The following DNAJC15 variants were observed in gnomAD, a reference collection of about 807,000 sequenced individuals.
DNAJC15 encodes the protein DnaJ heat shock protein family (Hsp40) member C15.
DNAJC15 carries 27 observed loss-of-function variants against 22.4 expected under a neutral mutation model. That is an observed-to-expected ratio of 1.20 (90% confidence interval 0.89 to 1.66). The LOEUF (loss-of-function observed/expected upper bound fraction) is 1.66. Among genes scored for constraint, DNAJC15 ranks in the 40% most tolerant of loss-of-function variants. The pLI is 0.00. For missense variants in DNAJC15, 208 were observed against 187.1 expected (o/e 1.11, Z -0.65); for synonymous variants, 79 against 63.2 (o/e 1.25, Z -1.19).
chr13:43,037,218 T>C (rs1348505632), intron 1 of DNAJC15, among the ~76,000 whole-genome samples: 1 of 152,178 alleles, frequency 6.6e-6, no homozygotes, highest in Non-Finnish European at 1.5e-5. Flanking sequence ...GTAGCTTTCA[T>C]TAAAGGGGAT....
intron 1 of DNAJC15, among the ~76,000 whole-genome samples, chr13:43,031,062 G>A (rs968076844): frequency 6.6e-6 from 1 of 152,156 alleles, no homozygotes; most frequent in Non-Finnish European, 1.5e-5. Flanking sequence ...CTTAAAGGGG[G>A]CAGTCACGTG....
At position 43,107,286 on chromosome 13, in the gene DNAJC15, A is replaced by G. The variant is rs566761905; in HGVS notation, c.*38A>G. 9.6e-6 allele frequency: 14 copies of G among 1,456,144 alleles called. No individual in the cohort carries two copies. In the South Asian group the frequency reaches 1.9e-4, roughly 19 times the overall value. 90.2% of individuals were successfully genotyped at this position (1,456,144 alleles called of 1,614,324 possible). ...ACACTGAAGGAAAAAAAAAGAGGGG[A>G]CTTCGAAAAAAAAAAAAGCCCTGCA... On this transcript the variant is annotated 3_prime_UTR_variant, in exon 6 of 6. Coordinates refer to ENST00000379221, the MANE Select transcript of DNAJC15 (RefSeq NM_013238.3).
chr13:43,102,139 G>C (rs962478954), intron 5 of DNAJC15, among the ~76,000 whole-genome samples: 1 of 151,986 alleles, frequency 6.6e-6, no homozygotes, highest in South Asian at 2.1e-4. Flanking sequence ...GGAGTAAGAT[G>C]GTATGGCATT....
intron 1 of DNAJC15, among the ~76,000 whole-genome samples, chr13:43,034,081 T>A (rs1436408893): frequency 2.7e-5 from 4 of 150,768 alleles, no homozygotes; most frequent in Admixed American, 6.6e-5. Flanking sequence ...TCATATGAAG[T>A]GTACATACTA....
At chr13:43,041,281 CTTCAAGCATTTGTT>C (rs1223893465) in intron 1 of DNAJC15, among the ~76,000 whole-genome samples, 2 of 152,176 alleles carry the variant, frequency 1.3e-5, no homozygotes, top group Non-Finnish European at 2.9e-5. Context: ...AAGCATTTGC[CTTCAAGCATTTGTT>C]TAACAAAGCA....
chr13:43,098,070 AT>A (rs2040749854), intron 5 of DNAJC15, among the ~76,000 whole-genome samples: 1 of 151,866 alleles, frequency 6.6e-6, no homozygotes, highest in Non-Finnish European at 1.5e-5. Context: ...GAAAAAGAAA[AT>A]TTGCTATACT....
chr13:43,083,067 A>G lies in DNAJC15; in HGVS notation c.312-2701A>G, dbSNP rs372504280. 2.2e-4 allele frequency among the ~76,000 whole-genome samples: 34 copies of G among 152,238 alleles called. 3 individuals carry two copies. The highest frequency in any genetic ancestry group is 3.4e-3 in the Middle Eastern group (1 of 294). ...CTTTATAATATTAGTATTTACTAATATGGAGTATTTGTTATTTTAAGGAGT... is the reference window on the plus strand; with the variant it reads ...CTTTATAATATTAGTATTTACTAATGTGGAGTATTTGTTATTTTAAGGAGT... On this transcript the variant is annotated intron_variant, in intron 4 of 5. Transcript: ENST00000379221.
rs1231905857 is a variant in DNAJC15, at chr13:43,078,676, T to C, written c.299T>C (p.Ile100Thr). Residue 100 changes from isoleucine to threonine, a missense_variant, in exon 4 of 6, where the codon ATT (isoleucine) becomes ACT (threonine). Coordinates refer to ENST00000379221, the MANE Select transcript of DNAJC15 (RefSeq NM_013238.3). Reference sequence around the variant, plus strand: ...ATGAGTAGGCGAGAAGCTGGTCTTATTTTAGGTGTAAGGTAGGTGTGCAGC... The same window carrying C: ...ATGAGTAGGCGAGAAGCTGGTCTTACTTTAGGTGTAAGGTAGGTGTGCAGC... ...QKMSRREAGLILGVSPSAGKA... is the reference protein window; with the variant it reads ...QKMSRREAGLTLGVSPSAGKA... 4 of 1,613,558 alleles carry C rather than the reference T, an allele frequency of 2.5e-6. No individual in the cohort carries two copies. The highest frequency in any genetic ancestry group is 2.2e-5 in the East Asian group (1 of 44,842).
At chr13:43,079,007 T>TAAATTATA (rs1426087655) in intron 4 of DNAJC15, 1 of 173,406 alleles carries the variant, frequency 5.8e-6, no homozygotes, top group Non-Finnish European at 1.2e-5. Flanking sequence ...CTCAGTTTTA[T>TAAATTATA]AATTTGATAT....
intron 1 of DNAJC15, among the ~76,000 whole-genome samples, chr13:43,063,715 C>T (rs2040570412): frequency 6.6e-6 from 1 of 152,056 alleles, no homozygotes; most frequent in Non-Finnish European, 1.5e-5. Context: ...GTGCTATTAG[C>T]TATGTGTTGC....
chr13:43,051,663 A>ATG (rs2040504595), intron 1 of DNAJC15, among the ~76,000 whole-genome samples: 2 of 100,066 alleles, frequency 2.0e-5, no homozygotes, highest in African/African-American at 8.6e-5. Context: ...GTGTGTGTGT[A>ATG]TATATATCAC....
chr13:43,080,184 C>CCT (rs529307932), intron 4 of DNAJC15, among the ~76,000 whole-genome samples: 63 of 152,226 alleles, frequency 4.1e-4, no homozygotes, highest in Middle Eastern at 3.4e-3. Context: ...AAGTACTAAG[C>CCT]CTAGTACCCA....
chr13:43,049,652 GTTAC>G (rs945277020), intron 1 of DNAJC15, among the ~76,000 whole-genome samples: 72 of 152,184 alleles, frequency 4.7e-4, no homozygotes, highest in Admixed American at 3.3e-4. Context: ...TCTGTGTTGA[GTTAC>G]TTACTTAGAC....
chr13:43,038,507 G>C (rs1288563433), intron 1 of DNAJC15, among the ~76,000 whole-genome samples: 3 of 152,080 alleles, frequency 2.0e-5, no homozygotes, highest in African/African-American at 4.8e-5. Flanking sequence ...AATACGACTG[G>C]GGAGGCCAGG....
intron 1 of DNAJC15, among the ~76,000 whole-genome samples, chr13:43,037,245 A>G (rs2153439664): frequency 6.6e-6 from 1 of 152,346 alleles, no homozygotes; most frequent in African/African-American, 2.4e-5. Context: ...CCAAGCAAGA[A>G]GAAATAAGCA....
At chr13:43,095,029 A>C (rs2040732992) in intron 5 of DNAJC15, among the ~76,000 whole-genome samples, 1 of 152,178 alleles carries the variant, frequency 6.6e-6, no homozygotes, top group Non-Finnish European at 1.5e-5. Context: ...TTTTGTAGTG[A>C]GTTTTGACTG....
At chr13:43,028,520 A>C (rs1274468585) in intron 1 of DNAJC15, among the ~76,000 whole-genome samples, 2 of 152,198 alleles carry the variant, frequency 1.3e-5, no homozygotes, top group Non-Finnish European at 2.9e-5. Flanking sequence ...ATTTTTCTAC[A>C]ACACAGACTT....
chr13:43,058,698 C>G (rs968011994), intron 1 of DNAJC15, among the ~76,000 whole-genome samples: 10 of 152,222 alleles, frequency 6.6e-5, no homozygotes, highest in African/African-American at 1.2e-4. Context: ...TCATCTGGAA[C>G]TTTCCTTCTA....
At chr13:43,045,775 C>T (rs2040474544) in intron 1 of DNAJC15, among the ~76,000 whole-genome samples, 1 of 152,170 alleles carries the variant, frequency 6.6e-6, no homozygotes, top group Admixed American at 6.5e-5. Context: ...GAGGGTCTCT[C>T]TCTTCCCTCA....
Sources: allele counts gnomAD v4.1 joint callset (sites outside exome capture counted in the v4.1 genomes callset), GRCh38; gene constraint gnomAD v4.1.1; transcripts MANE v1.5; gene names NCBI Gene and HGNC (gene_info 2026-07-23, HGNC 2026-07-21).